SLX4IP: variants seen among roughly 807,000 people sequenced by gnomAD.
SLX4IP encodes SLX4 interacting protein.
In SLX4IP, 34 loss-of-function variants were observed where a neutral mutation model predicts 32.9. That is an observed-to-expected ratio of 1.03 (90% confidence interval 0.79 to 1.38). SLX4IP has a LOEUF of 1.38. SLX4IP is among the 40% of genes most tolerant of loss of function. The pLI is 0.00. For missense variants in SLX4IP, 444 were observed against 479.0 expected (o/e 0.93, Z 0.68); for synonymous variants, 172 against 171.7 (o/e 1.00, Z -0.01).
At chr20:10,464,398 A>G (rs367878600) in intron 2 of SLX4IP, among the ~76,000 whole-genome samples, 81 of 152,304 alleles carry the variant, frequency 5.3e-4, no homozygotes, top group African/African-American at 1.9e-3. Context: ...AATAAAATGT[A>G]GGCTGCGTAC....
At chr20:10,473,410 G>T (rs2065443326) in intron 2 of SLX4IP, among the ~76,000 whole-genome samples, 1 of 152,060 alleles carries the variant, frequency 6.6e-6, no homozygotes. Context: ...TTATTGAGAG[G>T]GTTAAATAAA....
At chr20:10,480,270 C>A (rs899407881) in intron 2 of SLX4IP, among the ~76,000 whole-genome samples, 4 of 151,972 alleles carry the variant, frequency 2.6e-5, no homozygotes. Context: ...TGGCATGCAC[C>A]TGTGGTCCCA....
At chr20:10,477,832 G>T (rs1377133658) in intron 2 of SLX4IP, among the ~76,000 whole-genome samples, 1 of 151,618 alleles carries the variant, frequency 6.6e-6, no homozygotes, top group Non-Finnish European at 1.5e-5. Flanking sequence ...ATCCTCTTTG[G>T]GCATTTTATT....
At chr20:10,506,932 C>T (rs1335307306) in intron 2 of SLX4IP, among the ~76,000 whole-genome samples, 1 of 152,136 alleles carries the variant, frequency 6.6e-6, no homozygotes. Flanking sequence ...TTAAGGTGTA[C>T]AATGTGATGA....
At chr20:10,524,181 G>T (rs1490772725) in intron 2 of SLX4IP, among the ~76,000 whole-genome samples, 1 of 152,218 alleles carries the variant, frequency 6.6e-6, no homozygotes, top group Non-Finnish European at 1.5e-5. Flanking sequence ...CATGGGGTTT[G>T]TAAAGTGGAC....
At chr20:10,533,828 C>G (rs891725587) in intron 2 of SLX4IP, among the ~76,000 whole-genome samples, 1 of 150,650 alleles carries the variant, frequency 6.6e-6, no homozygotes, top group African/African-American at 2.4e-5. Flanking sequence ...TCATGTTACC[C>G]AGGCTGGTCT....
At chr20:10,578,397 T>C (rs1191966242) in intron 4 of SLX4IP, among the ~76,000 whole-genome samples, 1 of 152,226 alleles carries the variant, frequency 6.6e-6, no homozygotes, top group Non-Finnish European at 1.5e-5. Context: ...GTTCATTTTA[T>C]AACACATATC....
intron 2 of SLX4IP, among the ~76,000 whole-genome samples, chr20:10,530,421 G>A (rs1459919539): frequency 6.6e-6 from 1 of 152,166 alleles, no homozygotes; most frequent in Admixed American, 6.5e-5. Context: ...CTGCCATGAC[G>A]TTAACCTTTG....
At chr20:10,504,957 GA>G (rs549303131) in intron 2 of SLX4IP, among the ~76,000 whole-genome samples, 3,196 of 148,676 alleles carry the variant, frequency 0.021, 84 homozygotes, top group African/African-American at 0.063. Flanking sequence ...ATAATGCCAG[GA>G]AAAAAAAAAA....
chr20:10,472,546 TTTTA>T (rs1343759514), intron 2 of SLX4IP, among the ~76,000 whole-genome samples: 2 of 152,056 alleles, frequency 1.3e-5, no homozygotes, highest in Non-Finnish European at 2.9e-5. Context: ...TACTATACAT[TTTTA>T]TTTAAGGGAT....
At chr20:10,465,160 C>A (rs112443222) in intron 2 of SLX4IP, among the ~76,000 whole-genome samples, 1 of 152,118 alleles carries the variant, frequency 6.6e-6, no homozygotes, top group Non-Finnish European at 1.5e-5. Context: ...TAGCAGCAGG[C>A]GCATCTCCCC....
chr20:10,479,586 G>A (rs1277289629), intron 2 of SLX4IP, among the ~76,000 whole-genome samples: 2 of 30,678 alleles, frequency 6.5e-5, no homozygotes, highest in African/African-American at 1.5e-4. Context: ...TCCTGACCTT[G>A]TGATCCGCCT....
At chr20:10,452,679 A>AT (rs1414213508) in intron 1 of SLX4IP, among the ~76,000 whole-genome samples, 8,570 of 91,662 alleles carry the variant, frequency 0.093, 273 homozygotes, top group Admixed American at 0.11. Context: ...AAAAAAAAAA[A>AT]AATATATATA....
chr20:10,440,335 A>G (rs142225069), intron 1 of SLX4IP, among the ~76,000 whole-genome samples: 2,885 of 151,986 alleles, frequency 0.019, 44 homozygotes, highest in Middle Eastern at 0.041. Context: ...CACACCTGTA[A>G]TCCTAGCTAC....
chr20:10,618,442 G>T (rs1348737149), intron 6 of SLX4IP, among the ~76,000 whole-genome samples: 1 of 152,226 alleles, frequency 6.6e-6, no homozygotes, highest in African/African-American at 2.4e-5. Flanking sequence ...ACATGAGGCA[G>T]ATGGCTGGAA....
At chr20:10,615,668 A>G (rs1358340624) in intron 6 of SLX4IP, among the ~76,000 whole-genome samples, 3 of 152,202 alleles carry the variant, frequency 2.0e-5, no homozygotes, top group African/African-American at 7.2e-5. Flanking sequence ...TTGTGTTGCT[A>G]TAACACAATA....
At chr20:10,549,353 C>T (rs537213926) in intron 2 of SLX4IP, among the ~76,000 whole-genome samples, 211 of 152,292 alleles carry the variant, frequency 1.4e-3, no homozygotes, top group Non-Finnish European at 2.2e-3. Flanking sequence ...CTACAGTGAG[C>T]TCTCCGTATC....
At chr20:10,548,879 T>C (rs1325994628) in intron 2 of SLX4IP, among the ~76,000 whole-genome samples, 2 of 152,210 alleles carry the variant, frequency 1.3e-5, no homozygotes, top group Non-Finnish European at 2.9e-5. Flanking sequence ...TCACCATTAG[T>C]AGATTTTTGC....
rs997115014 is a variant in SLX4IP, at chr20:10,621,527, C to G, written c.506+113C>G. On this transcript the variant is annotated intron_variant, in intron 7 of 7. Coordinates refer to ENST00000334534, the MANE Select transcript of SLX4IP (RefSeq NM_001009608.3). ...TGGAACTGAAGCACAAACTCCCCTCCGTCACGTACTTACTCTCCCCTCCCT... is the reference window on the plus strand; with the variant it reads ...TGGAACTGAAGCACAAACTCCCCTCGGTCACGTACTTACTCTCCCCTCCCT... The G allele has an allele frequency of 5.9e-6, 5 of 852,638 alleles. No individual in the cohort carries two copies. In the African/African-American group the frequency reaches 8.4e-5, roughly 14 times the overall value. 52.8% of individuals were successfully genotyped at this position (852,638 alleles called of 1,614,324 possible).
Sources: allele counts gnomAD v4.1 joint callset (sites outside exome capture counted in the v4.1 genomes callset), GRCh38; gene constraint gnomAD v4.1.1; transcripts MANE v1.5; gene names NCBI Gene and HGNC (gene_info 2026-07-23, HGNC 2026-07-21).